Variants in PCSK5 observed in about 807,000 individuals in gnomAD.
The protein encoded by PCSK5 is prohormone convertase 5.
PCSK5 carries 129 observed loss-of-function variants against 233.2 expected under a neutral mutation model. The ratio of observed to expected loss-of-function variants is 0.55; its 90% CI spans 0.48 to 0.64. PCSK5 has a LOEUF of 0.64. Among genes scored for constraint, PCSK5 ranks in the 30% least tolerant of loss-of-function variants. PCSK5 has a pLI of 0.00. For missense variants in PCSK5, 2,076 were observed against 2,430.1 expected (o/e 0.85, Z 3.06); for synonymous variants, 825 against 879.2 (o/e 0.94, Z 1.09).
intron 7 of PCSK5, among the ~76,000 whole-genome samples, chr9:76,092,188 A>C (rs1467056929): frequency 1.3e-5 from 2 of 152,126 alleles, no homozygotes; most frequent in East Asian, 3.9e-4. Flanking sequence ...TATCAGTTCT[A>C]ATTCTACTGC....
At chr9:76,055,708 G>A (rs151147434) in intron 5 of PCSK5, among the ~76,000 whole-genome samples, 4 of 152,240 alleles carry the variant, frequency 2.6e-5, no homozygotes, top group Admixed American at 1.3e-4. Flanking sequence ...ATTATTCAAA[G>A]CCTTAAGAAT....
At chr9:76,126,703 A>G (rs891154864) in intron 9 of PCSK5, among the ~76,000 whole-genome samples, 1 of 152,218 alleles carries the variant, frequency 6.6e-6, no homozygotes, top group African/African-American at 2.4e-5. Flanking sequence ...AAAATACTGC[A>G]TGTTCTCACT....
chr9:76,328,310 C>T lies in PCSK5; in HGVS notation c.4570+71C>T. ...GAAACTGCCTTGCACACTGCCTTGTCCAGTAGATACTGGCTTCTTTCTTTT... is the reference window on the plus strand; with the variant it reads ...GAAACTGCCTTGCACACTGCCTTGTTCAGTAGATACTGGCTTCTTTCTTTT... On this transcript the variant is annotated intron_variant, in intron 33 of 37. Transcript: ENST00000674117. 2 of 1,058,746 alleles carry T rather than the reference C, an allele frequency of 1.9e-6. 1 individual carries two copies. The highest frequency in any genetic ancestry group is 2.6e-5 in the South Asian group (2 of 77,294). 65.6% of individuals were successfully genotyped at this position (1,058,746 alleles called of 1,614,324 possible).
chr9:76,026,724 G>A (rs897042377), intron 4 of PCSK5, among the ~76,000 whole-genome samples: 1 of 152,140 alleles, frequency 6.6e-6, no homozygotes, highest in African/African-American at 2.4e-5. Context: ...CCAGGCACTT[G>A]TTTGGTCTGT....
chr9:76,093,578 T>C (rs1039573238), intron 7 of PCSK5, among the ~76,000 whole-genome samples: 24 of 145,774 alleles, frequency 1.6e-4, no homozygotes, highest in African/African-American at 6.5e-4. Context: ...TATATATATA[T>C]ATATACACAC....
At chr9:76,189,563 T>A in intron 19 of PCSK5, 68 bp from the exon 20 acceptor site, 3 of 914,994 alleles carry the variant, frequency 3.3e-6, no homozygotes, top group Non-Finnish European at 5.4e-6. Context: ...CATTATGAGG[T>A]TGCTAGTAAA....
intron 7 of PCSK5, among the ~76,000 whole-genome samples, chr9:76,087,524 A>G (rs1454252287): frequency 6.6e-6 from 1 of 152,200 alleles, no homozygotes; most frequent in African/African-American, 2.4e-5. Flanking sequence ...GATATGAACA[A>G]TATCATGACT....
intron 20 of PCSK5, among the ~76,000 whole-genome samples, chr9:76,220,471 G>A (rs997476769): frequency 2.0e-5 from 3 of 148,140 alleles, no homozygotes; most frequent in Non-Finnish European, 3.0e-5. Context: ...AGGTTGCAGT[G>A]AGCTGAAAAT....
chr9:75,929,861 C>CTT lies in PCSK5; in HGVS notation c.193-2500_193-2499dup, dbSNP rs146665133. Among the ~76,000 whole-genome samples, 1,007 of 135,140 alleles carry CTT rather than the reference C, an allele frequency of 7.5e-3. 11 individuals are homozygous for CTT. The highest frequency in any genetic ancestry group is 0.025 in the African/African-American group (924 of 36,770). The allele number at this position is 135,140 out of a possible 152,430, so 88.7% of individuals were successfully genotyped here. On this transcript the variant is annotated intron_variant, in intron 1 of 37. Transcript: ENST00000674117. The stretch of plus-strand genomic sequence containing the variant: ...TTCCCCTTATAAAACTGTCAGATCT[C>CTT]TTTTTTTTTTTTTTTTTTTAAGACA...
At chr9:75,941,633 CTT>C (rs543208865) in intron 2 of PCSK5, among the ~76,000 whole-genome samples, 223 of 152,256 alleles carry the variant, frequency 1.5e-3, no homozygotes, top group Middle Eastern at 6.8e-3. Flanking sequence ...AAATCCCTGT[CTT>C]TAACATTTGA....
Position 76,046,160 on chromosome 9 carries a change from G to GT in PCSK5, c.632+19158dup, listed in dbSNP as rs71372041. On this transcript the variant is annotated intron_variant, in intron 5 of 37. Coordinates refer to ENST00000674117, the MANE Select transcript of PCSK5 (RefSeq NM_001372043.1). Reference sequence around the variant, plus strand: ...GCATTAACACATAATTTTTTCTTTTGTTTTTTTTTTTTTTTTTTTTTTTTT... The same window carrying GT: ...GCATTAACACATAATTTTTTCTTTTGTTTTTTTTTTTTTTTTTTTTTTTTTT... Among the ~76,000 whole-genome samples, 521 of 58,002 alleles carry GT rather than the reference G, an allele frequency of 9.0e-3. 114 individuals carry two copies. Among genetic ancestry groups the GT allele is most frequent in the Middle Eastern group, 0.036 (2 of 56 alleles). The allele number at this position is 58,002 out of a possible 152,430, so 38.1% of individuals were successfully genotyped here. A position where few individuals can be genotyped will look rare whatever the true frequency, so the allele number is the denominator to read the frequency against.
At position 76,359,687 on chromosome 9, in the gene PCSK5, T is replaced by C. The variant is rs747414799; in HGVS notation, c.*765T>C. 1.3e-5 allele frequency: 2 copies of C among 152,196 alleles called. No homozygotes were observed. Among genetic ancestry groups the C allele is most frequent in the South Asian group, 4.2e-4 (2 of 4,810 alleles). The allele number at this position is 152,196 out of a possible 1,614,324, so 9.4% of individuals were successfully genotyped here. On this transcript the variant is annotated 3_prime_UTR_variant, in exon 38 of 38. Coordinates refer to ENST00000674117, the MANE Select transcript of PCSK5 (RefSeq NM_001372043.1). ...TTTCCAGGAACTGCACTCTCATGAT[T>C]TTCTGGGTACTTTTCGCCTGGGAGA...
intron 4 of PCSK5, among the ~76,000 whole-genome samples, chr9:76,025,593 T>C (rs1190328614): frequency 1.3e-5 from 2 of 152,194 alleles, no homozygotes; most frequent in Non-Finnish European, 2.9e-5. Flanking sequence ...TCCTATACTA[T>C]TTATCTACAT....
chr9:75,979,425 G>A (rs1349210399), intron 2 of PCSK5, among the ~76,000 whole-genome samples: 7 of 152,134 alleles, frequency 4.6e-5, no homozygotes, highest in Non-Finnish European at 1.0e-4. Context: ...TGGAGTTGTA[G>A]GGACAAGTTC....
intron 9 of PCSK5, among the ~76,000 whole-genome samples, chr9:76,120,731 G>A (rs1193015907): frequency 6.6e-6 from 1 of 150,562 alleles, no homozygotes; most frequent in African/African-American, 2.4e-5. Flanking sequence ...AGTAATACTT[G>A]TCTCTTTTTA....
intron 1 of PCSK5, among the ~76,000 whole-genome samples, chr9:75,893,807 C>A (rs1825706062): frequency 6.6e-6 from 1 of 152,208 alleles, no homozygotes; most frequent in African/African-American, 2.4e-5. Context: ...ATAGAGGTTA[C>A]AGAGGACCCC....
At chr9:76,061,146 A>C (rs7862019) in intron 5 of PCSK5, among the ~76,000 whole-genome samples, 2,115 of 152,270 alleles carry the variant, frequency 0.014, 50 homozygotes, top group African/African-American at 0.047. Context: ...ACTGCAAAGC[A>C]TATTAACAAA....
chr9:75,892,179 G>A (rs948530626), intron 1 of PCSK5, among the ~76,000 whole-genome samples: 2 of 152,174 alleles, frequency 1.3e-5, no homozygotes, highest in Non-Finnish European at 2.9e-5. Context: ...GCAGGGGCGC[G>A]GGGTTTTTGT....
chr9:76,356,785 C>T (rs1830313860), intron 37 of PCSK5, among the ~76,000 whole-genome samples: 1 of 152,034 alleles, frequency 6.6e-6, no homozygotes, highest in Non-Finnish European at 1.5e-5. Flanking sequence ...ATTTAATAAG[C>T]AAAAAGCATT....
Sources: gnomAD v4.1 joint callset for allele counts (sites outside exome capture counted in the v4.1 genomes callset) on GRCh38, gnomAD v4.1.1 for gene constraint, MANE v1.5 for transcripts, NCBI Gene and HGNC (gene_info 2026-07-23, HGNC 2026-07-21) for gene names.